Variants in LRP1 observed in about 807,000 individuals in gnomAD.
LRP1 encodes the protein LDL receptor related protein 1.
In LRP1, 51 loss-of-function variants were observed where a neutral mutation model predicts 541.5. The ratio of observed to expected loss-of-function variants is 0.09; its 90% confidence interval spans 0.08 to 0.12. The LOEUF (loss-of-function observed/expected upper bound fraction) is 0.12, where lower values mean the gene tolerates loss of function less well. Among genes scored for constraint, LRP1 ranks in the 10% least tolerant of loss-of-function variants. The probability of loss-of-function intolerance (pLI) is 1.00; values close to 1 mark genes in which losing one functional copy is unlikely to be tolerated. For missense variants in LRP1, 3,878 were observed against 6,376.2 expected, an observed-to-expected ratio of 0.61 and a Z score of 13.34; for synonymous variants, 2,219 against 2,470.8, an observed-to-expected ratio of 0.90 and a Z score of 3.02.
intron 42 of LRP1, among the ~76,000 whole-genome samples, 186 bp from the exon 43 acceptor site, chr12:57,190,619 G>A (rs544335062): frequency 2.0e-5 from 3 of 152,364 alleles, no homozygotes; most frequent in South Asian, 2.1e-4. Context: ...CAGCCACCTC[G>A]TGTGTGAACT....
In LRP1 at chr12:57,165,515, G is replaced by A. The variant is rs34960195; in HGVS notation, c.2531-290G>A. 520 of 293,844 alleles carry A rather than the reference G, an allele frequency of 1.8e-3. 4 individuals are homozygous for A. Among genetic ancestry groups the A allele is most frequent in the African/African-American group, 0.011 (490 of 46,468 alleles). The allele number at this position is 293,844 out of a possible 1,614,324, so 18.2% of individuals were successfully genotyped here. ...GTCAGGGAAGGAGTGGGGAGAGCCTGTTCGGTGGTGACAGAGGTATAGAGG... is the reference window on the plus strand; with the variant it reads ...GTCAGGGAAGGAGTGGGGAGAGCCTATTCGGTGGTGACAGAGGTATAGAGG... On this transcript the variant is annotated intron_variant, in intron 15 of 88. Coordinates refer to ENST00000243077, the MANE Select transcript of LRP1 (RefSeq NM_002332.3). The surrounding 1 kb of genome is among the most constrained non-coding windows in gnomAD (Gnocchi z 4.5).
At chr12:57,145,653 G>A (rs1324658433) in intron 6 of LRP1, among the ~76,000 whole-genome samples, 163 bp downstream of exon 6, 1 of 152,270 alleles carries the variant, frequency 6.6e-6, no homozygotes, top group East Asian at 1.9e-4. Flanking sequence ...CAGGGGCAGA[G>A]CCACCGGCAC....
At position 57,178,770 on chromosome 12, in the gene LRP1, G is replaced by A; in HGVS notation, c.4607-120G>A. The A allele has an allele frequency of 6.6e-7, 1 of 1,508,126 alleles. No homozygotes were observed. Among genetic ancestry groups the A allele is most frequent in the Non-Finnish European group, 9.0e-7 (1 of 1,116,474 alleles). 93.4% of individuals were successfully genotyped at this position (1,508,126 alleles called of 1,614,324 possible). ...AGGCACTGTCTAGCAGCAGAGAAGG[G>A]TCTAGTAGTAGCGGCTGCTGGAACA... On this transcript the variant is annotated intron_variant, in intron 27 of 88. Transcript: ENST00000243077. This position sits in a 1 kb window ranked among gnomAD's most constrained non-coding sequence, Gnocchi z 5.8.
At chr12:57,149,040 A>G in intron 6 of LRP1, 1 of 645,180 alleles carries the variant, frequency 1.5e-6, no homozygotes, top group Admixed American at 2.3e-5. Context: ...GAGGGGAGGC[A>G]AAGAAGGGGC....
At chr12:57,148,952 C>A in intron 6 of LRP1, 2 of 594,680 alleles carry the variant, frequency 3.4e-6, no homozygotes, top group South Asian at 4.1e-5. Context: ...CCCTTCCTCT[C>A]CCTTTCTTTT....
intron 1 of LRP1, among the ~76,000 whole-genome samples, chr12:57,130,776 A>G (rs2035022951): frequency 1.3e-5 from 2 of 152,084 alleles, no homozygotes; most frequent in Non-Finnish European, 2.9e-5. Flanking sequence ...TCTATTTGCC[A>G]CACCAAGTTA....
Position 57,184,842 on chromosome 12 carries a change from G to A in LRP1, c.6190G>A (p.Gly2064Arg), listed in dbSNP as rs1565739578. 1 of 1,611,728 alleles carries A rather than the reference G, an allele frequency of 6.2e-7. No homozygotes were observed. Among genetic ancestry groups the A allele is most frequent in the African/African-American group, 1.3e-5 (1 of 75,026 alleles). The change falls in exon 39 of 89, where the codon GGG becomes AGG. Residue 2064 changes from glycine to arginine, a missense_variant. Gly to Arg is a moderately radical substitution (Grantham distance 125). Transcript: ENST00000243077. This position sits in a 1 kb window ranked among gnomAD's most constrained non-coding sequence, Gnocchi z 7.8. ...GGTGGGTGCCTCTGGCCTGTAGGAT[G>A]GGAAGCTGTACTGGTGCGATGCACG... The part of the protein sequence containing the change: ...PNGISVDYQD[G>R]KLYWCDARTD...
intron 2 of LRP1, among the ~76,000 whole-genome samples, chr12:57,139,043 C>T (rs189512388): frequency 2.6e-5 from 4 of 152,340 alleles, no homozygotes; most frequent in African/African-American, 7.2e-5. Context: ...CCGCTACCCC[C>T]GCCTTCCCCT....
rs1241342504 is a variant in LRP1 at position 57,141,433 on chromosome 12, C to T, written c.250C>T (p.Leu84=). The part of the protein sequence containing the change: ...PNEHNCLGTE[L]CVPMSRLCNG... ...CGAGCATAACTGCCTGGGTACTGAG[C>T]TGTGTGTTCCCATGTCCCGCCTCTG... The change falls in exon 3 of 89, where the codon CTG becomes TTG. Residue 84 remains leucine, a synonymous_variant. Transcript: ENST00000243077. The T allele has an allele frequency of 6.2e-7, 1 of 1,614,206 alleles. No homozygotes were observed. Among genetic ancestry groups the T allele is most frequent in the Non-Finnish European group, 8.5e-7 (1 of 1,180,016 alleles).
chr12:57,167,596 G>T lies in LRP1; in HGVS notation c.2995+72G>T, dbSNP rs1800175. 423,615 of 1,288,464 alleles carry T rather than the reference G, an allele frequency of 0.33. 72,695 individuals carry two copies. Among genetic ancestry groups the T allele is most frequent in the Admixed American group, 0.47 (27,746 of 58,730 alleles). The allele number at this position is 1,288,464 out of a possible 1,614,324, so 79.8% of individuals were successfully genotyped here. A position where few individuals can be genotyped will look rare whatever the true frequency, so the allele number is the denominator to read the frequency against. On this transcript the variant is annotated intron_variant, in intron 19 of 88. Coordinates refer to ENST00000243077, the MANE Select transcript of LRP1 (RefSeq NM_002332.3). ...GCTACAGCCAGGCCCTCCAGGGAAG[G>T]CAAAGGGCTTCAGAATCCAGCAGGG...
In LRP1 at chr12:57,203,517, T is replaced by C. The variant is rs1379604136; in HGVS notation, c.10947T>C (p.Thr3649=). 6.5e-7 allele frequency: 1 copy of C among 1,538,122 alleles called. No individual in the cohort carries two copies. Among genetic ancestry groups the C allele is most frequent in the Non-Finnish European group, 8.8e-7 (1 of 1,138,418 alleles). The change falls in exon 70 of 89, where the codon ACT becomes ACC. Residue 3649 remains threonine (T), a synonymous_variant. Transcript: ENST00000243077. The part of the protein sequence containing the change: ...MDGSDEEACG[T]GVRTCPLDEF... ...GCAGCGACGAGGAGGCCTGCGGCACTGGCGGTGCGCCCCTTGGCTTGGTCT... is the reference window on the plus strand; with the variant it reads ...GCAGCGACGAGGAGGCCTGCGGCACCGGCGGTGCGCCCCTTGGCTTGGTCT...
At position 57,156,027 on chromosome 12, in the gene LRP1, G is replaced by C. The variant is rs1773670324; in HGVS notation, c.1228-67G>C. 1.5e-6 allele frequency: 2 copies of C among 1,301,280 alleles called. No individual in the cohort carries two copies. The highest frequency in any genetic ancestry group is 2.9e-5 in the African/African-American group (2 of 68,500). 80.6% of individuals were successfully genotyped at this position (1,301,280 alleles called of 1,614,324 possible). A position where few individuals can be genotyped will look rare whatever the true frequency, so the allele number is the denominator to read the frequency against. ...TCATGAAGTCTGGAGGAAGCTGAGG[G>C]GATCTCCAGGACAGAGGGAGGAACC... is the stretch of plus-strand genomic sequence containing the variant. On this transcript the variant is annotated intron_variant, in intron 8 of 88. Transcript: ENST00000243077. The surrounding 1 kb of genome is among the most constrained non-coding windows in gnomAD (Gnocchi z 5.2).
At chr12:57,147,655 A>AGCCAGCGAG (rs1210547109) in intron 6 of LRP1, 1 of 152,110 alleles carries the variant, frequency 6.6e-6, no homozygotes, top group African/African-American at 2.4e-5. Flanking sequence ...GGGGTGTTCG[A>AGCCAGCGAG]GCCAGCGAGG....
intron 17 of LRP1, chr12:57,166,490 G>A (rs2035842345): frequency 2.3e-6 from 1 of 435,872 alleles, no homozygotes; most frequent in Non-Finnish European, 4.1e-6. Context: ...GAGCCTGGGA[G>A]GTTGAGGCTG....
In LRP1 at chr12:57,190,937, C is replaced by T. The variant is rs899107265; in HGVS notation, c.7164C>T (p.Ala2388=). 4.3e-6 allele frequency: 7 copies of T among 1,613,272 alleles called. No individual in the cohort carries two copies. The highest frequency in any genetic ancestry group is 1.7e-5 in the Admixed American group (1 of 59,996). The part of the protein sequence containing the change: ...TPNGLAIDHR[A]EKLYFSDATL... ...ATGGCCTGGCCATCGACCACCGTGC[C>T]GAGAAGCTCTACTTCTCTGACGCCA... is the stretch of plus-strand genomic sequence containing the variant. Residue 2388 remains alanine (A), a synonymous_variant, in exon 43 of 89, where the codon GCC becomes GCT. Coordinates refer to ENST00000243077, the MANE Select transcript of LRP1 (RefSeq NM_002332.3).
At chr12:57,198,388 C>T (rs777311193) in intron 59 of LRP1, 45 bp downstream of exon 59, 2 of 1,605,350 alleles carry the variant, frequency 1.2e-6, no homozygotes, top group South Asian at 2.2e-5. Flanking sequence ...AAGCAGCATC[C>T]AAGCCCAGCC....
chr12:57,181,152 C>T lies in LRP1; in HGVS notation c.5528-5C>T. ...CCTTTCCCTCTGCCTCCCACCTGCC[C>T]CCAGACCATAAGGGCACCAACCCCT... On this transcript the variant is annotated splice_region_variant and splice_polypyrimidine_tract_variant and intron_variant, in intron 33 of 88. Transcript: ENST00000243077. 1 of 1,612,466 alleles carries T rather than the reference C, an allele frequency of 6.2e-7. No individual in the cohort carries two copies. Among genetic ancestry groups the T allele is most frequent in the Non-Finnish European group, 8.5e-7 (1 of 1,179,276 alleles).
In LRP1 at chr12:57,190,103, C is replaced by T. The variant is rs1421125714; in HGVS notation, c.7032-702C>T. On this transcript the variant is annotated intron_variant, in intron 42 of 88. Transcript: ENST00000243077. The stretch of plus-strand genomic sequence containing the variant: ...CGACAGGCTCATTCAAAGTTGGAGC[C>T]GTTACGAGGCAGAACGGTGGCTCCA... Among the ~76,000 whole-genome samples the T allele has an allele frequency of 5.9e-5, 9 of 152,108 alleles. No individual in the cohort carries two copies. The South Asian group carries it at 1.5e-3, about 25-fold the overall frequency.
chr12:57,181,483 C>T (rs1388538644), intron 34 of LRP1, among the ~76,000 whole-genome samples, 192 bp downstream of exon 34: 3 of 152,194 alleles, frequency 2.0e-5, no homozygotes, highest in African/African-American at 7.2e-5. Flanking sequence ...TGTCAGCAGG[C>T]AGATCGGGGC....
Sources: gnomAD v4.1 joint callset for allele counts (sites outside exome capture counted in the v4.1 genomes callset) on GRCh38, gnomAD v4.1.1 for gene constraint, Gnocchi (gnomAD v3.1) non-coding constraint, MANE v1.5 for transcripts, NCBI Gene and HGNC (gene_info 2026-07-23, HGNC 2026-07-21) for gene names.